THTPA: variants seen among roughly 807,000 people sequenced by gnomAD.
The protein encoded by THTPA is thiamine triphosphatase, also known as thiamine-triphosphatase.
THTPA carries 16 observed loss-of-function variants against 16.5 expected under a neutral mutation model. That is an observed-to-expected ratio of 0.97 (90% CI 0.66 to 1.47). THTPA has a LOEUF of 1.47. Among genes scored for constraint, THTPA ranks in the 40% most tolerant of loss-of-function variants. The probability of loss-of-function intolerance (pLI) is 0.00; values close to 1 mark genes in which losing one functional copy is unlikely to be tolerated. For missense variants in THTPA, 281 were observed against 280.9 expected (o/e 1.00, Z 0.00); for synonymous variants, 110 against 115.5 (o/e 0.95, Z 0.30).
At chr14:23,534,656 G>A in the THTPA span, 29 of 1,536,030 alleles carry the variant, frequency 1.9e-5, no homozygotes, top group Non-Finnish European at 2.4e-5. This position sits in a 1 kb window ranked among gnomAD's most constrained non-coding sequence, Gnocchi z 4.5. Context: ...TTCCCCATGG[G>A]GCCATCTTTG....
the THTPA span, chr14:23,521,817 C>T: frequency 2.9e-6 from 4 of 1,386,048 alleles, no homozygotes; most frequent in Non-Finnish European, 3.8e-6. Flanking sequence ...GTGTGTGGTG[C>T]CCACTGAGGG....
At chr14:23,548,804 T>G in the THTPA span, among the ~76,000 whole-genome samples, 1 of 152,198 alleles carries the variant, frequency 6.6e-6, no homozygotes, top group Non-Finnish European at 1.5e-5. Context: ...CTTCGCCCAG[T>G]GGTATTCCTG....
chr14:23,533,575 A>C, the THTPA span: 1 of 1,536,462 alleles, frequency 6.5e-7, no homozygotes, highest in Admixed American at 2.0e-5. The surrounding 1 kb of genome is among the most constrained non-coding windows in gnomAD (Gnocchi z 4.8). Context: ...ATGGATGCGC[A>C]GGTTACGGGA....
the THTPA span, among the ~76,000 whole-genome samples, chr14:23,549,143 T>C: frequency 0.029 from 4,400 of 152,274 alleles, 215 homozygotes; most frequent in African/African-American, 0.1. Context: ...ATCATTTCTC[T>C]TCCTTTTACC....
the THTPA span, chr14:23,533,606 A>G: frequency 6.5e-7 from 1 of 1,536,746 alleles, no homozygotes; most frequent in Non-Finnish European, 8.7e-7. This position sits in a 1 kb window ranked among gnomAD's most constrained non-coding sequence, Gnocchi z 4.8. Flanking sequence ...TCGTAGCTGC[A>G]CACCTTGCAC....
At chr14:23,531,348 T>G in the THTPA span, 1 of 1,255,460 alleles carries the variant, frequency 8.0e-7, no homozygotes, top group South Asian at 2.7e-5. Context: ...CTTCGCAGCT[T>G]CTTCCCATTT....
Position 23,556,460 on chromosome 14 carries a change from ACCCG to A in THTPA, c.-296_-293del. On this transcript the variant is annotated 5_prime_UTR_variant, in exon 1 of 2. Transcript: ENST00000288014. ...GTAGAGAGGGGGGCGTTGAAAGGACACCCGCTACCCGGCCTGCTTTCTAGGGGTC... is the reference window on the plus strand; with the variant it reads ...GTAGAGAGGGGGGCGTTGAAAGGACACTACCCGGCCTGCTTTCTAGGGGTC... The A allele has an allele frequency of 5.4e-6, 2 of 370,268 alleles. No homozygotes were observed. The highest frequency in any genetic ancestry group is 9.8e-6 in the Non-Finnish European group (2 of 204,394). 22.9% of individuals were successfully genotyped at this position (370,268 alleles called of 1,614,324 possible).
At chr14:23,535,037 C>G in the THTPA span, 1 of 1,536,212 alleles carries the variant, frequency 6.5e-7, no homozygotes, top group Non-Finnish European at 8.7e-7. The surrounding 1 kb of genome is among the most constrained non-coding windows in gnomAD (Gnocchi z 4.5). Flanking sequence ...TCCTCCTGCT[C>G]CTTGTCCTTT....
At chr14:23,521,821 C>G in the THTPA span, 4 of 1,414,780 alleles carry the variant, frequency 2.8e-6, no homozygotes, top group Non-Finnish European at 3.7e-6. Flanking sequence ...GTGGTGCCCA[C>G]TGAGGGTGGG....
the THTPA span, chr14:23,534,931 C>T: frequency 2.6e-6 from 4 of 1,536,162 alleles, no homozygotes; most frequent in Admixed American, 3.9e-5. This position sits in a 1 kb window ranked among gnomAD's most constrained non-coding sequence, Gnocchi z 4.5. Flanking sequence ...TTCACTGCCA[C>T]CTGGCAGGGA....
At chr14:23,533,351 C>T in the THTPA span, 157 of 1,440,708 alleles carry the variant, frequency 1.1e-4, no homozygotes, top group Admixed American at 1.3e-3. The surrounding 1 kb of genome is among the most constrained non-coding windows in gnomAD (Gnocchi z 4.8). Context: ...AGCTGGGCTT[C>T]CAGGGGCTTG....
At chr14:23,532,404 C>T in the THTPA span, 1 of 818,044 alleles carries the variant, frequency 1.2e-6, no homozygotes, top group Non-Finnish European at 1.7e-6. Flanking sequence ...TTCTCCATGT[C>T]TGTCACTTTG....
the THTPA span, among the ~76,000 whole-genome samples, chr14:23,516,573 A>G: frequency 2.6e-5 from 4 of 152,218 alleles, no homozygotes; most frequent in African/African-American, 9.7e-5. Context: ...GGGTTTCTGA[A>G]ACCTCATCAT....
chr14:23,515,438 G>T, the THTPA span, among the ~76,000 whole-genome samples: 2 of 152,190 alleles, frequency 1.3e-5, no homozygotes, highest in Admixed American at 1.3e-4. Flanking sequence ...AAGGCACCCA[G>T]TTAGAGTTGG....
chr14:23,524,026 C>A, the THTPA span: 42 of 1,514,586 alleles, frequency 2.8e-5, no homozygotes, highest in Non-Finnish European at 3.6e-5. The surrounding 1 kb of genome is among the most constrained non-coding windows in gnomAD (Gnocchi z 5.6). Context: ...CAGAAGCAAG[C>A]GTGGCAGTGG....
chr14:23,537,279 C>T, the THTPA span, among the ~76,000 whole-genome samples: 1 of 151,918 alleles, frequency 6.6e-6, no homozygotes, highest in African/African-American at 2.4e-5. Flanking sequence ...CACCAATTCC[C>T]ATGCCTCTCC....
upstream of THTPA, among the ~76,000 whole-genome samples, chr14:23,554,974 C>T (rs967492946): frequency 1.3e-5 from 2 of 152,056 alleles, no homozygotes; most frequent in African/African-American, 4.8e-5. Context: ...GGGCCAACCC[C>T]CATGTTTTCC....
the THTPA span, chr14:23,529,732 C>A: frequency 6.5e-7 from 1 of 1,536,248 alleles, no homozygotes; most frequent in African/African-American, 1.4e-5. Flanking sequence ...GGCACTGTCT[C>A]TGGAAGGGCC....
At chr14:23,551,047 T>C (rs1362912862), upstream of THTPA, among the ~76,000 whole-genome samples, 1 of 151,582 alleles carries the variant, frequency 6.6e-6, no homozygotes, top group Non-Finnish European at 1.5e-5. The surrounding 1 kb of genome is among the most constrained non-coding windows in gnomAD (Gnocchi z 5.3). Context: ...CCGGCGGGCC[T>C]CTGCCTTTCC....
Sources: allele counts gnomAD v4.1 joint callset (sites outside exome capture counted in the v4.1 genomes callset), GRCh38; gene constraint gnomAD v4.1.1; non-coding constraint Gnocchi (gnomAD v3.1); transcripts MANE v1.5; gene names NCBI Gene and HGNC (gene_info 2026-07-23, HGNC 2026-07-21).